Variants in DDX60L observed in about 807,000 individuals in gnomAD.
DDX60L encodes probable ATP-dependent RNA helicase DDX60-like.
Under a neutral mutation model 211.6 loss-of-function variants are expected in DDX60L, and 191 were observed. The observed-to-expected ratio is 0.90, with a 90% CI of 0.80 to 1.02. The LOEUF (loss-of-function observed/expected upper bound fraction) is 1.02. Ranked by LOEUF, DDX60L falls within the 50% of genes least tolerant of loss-of-function variation. The pLI is 0.00. For synonymous variants in DDX60L, 706 were observed against 694.1 expected (o/e 1.02, Z -0.27); for missense variants, 2,007 against 1,984.1 (o/e 1.01, Z -0.22).
At chr4:168,382,212 T>C (rs1743089463) in intron 30 of DDX60L, among the ~76,000 whole-genome samples, 1 of 152,242 alleles carries the variant, frequency 6.6e-6, no homozygotes, top group Admixed American at 6.5e-5. Flanking sequence ...ATTGTTCTGA[T>C]TGAAAACCTC....
chr4:168,461,351 CTTA>C (rs1331731002), intron 5 of DDX60L, among the ~76,000 whole-genome samples: 6 of 152,162 alleles, frequency 3.9e-5, no homozygotes, highest in Admixed American at 3.3e-4. Flanking sequence ...AAATATATTT[CTTA>C]TTATACTACA....
Position 168,358,150 on chromosome 4 carries a change from T to C in DDX60L, c.5118A>G (p.Glu1706=), listed in dbSNP as rs773667286. 10 of 1,608,774 alleles carry C rather than the reference T, an allele frequency of 6.2e-6. No individual in the cohort carries two copies. The highest frequency in any genetic ancestry group is 8.5e-6 in the Non-Finnish European group (10 of 1,177,316). The change falls in exon 38 of 38, where the codon GAA becomes GAG. Residue 1706 remains glutamate, a synonymous_variant. Transcript: ENST00000682922. ...MQIQMSQNHL[E] ...GACTTGAAAGTTTTCCATGGTGTTA[T>C]TCTAAATGATTTTGACTCATTTGAA...
intron 9 of DDX60L, among the ~76,000 whole-genome samples, chr4:168,442,690 A>G (rs1202962802): frequency 1.3e-5 from 2 of 151,552 alleles, no homozygotes; most frequent in East Asian, 3.9e-4. Context: ...GAGAACGGGC[A>G]GACTGCCTCC....
At chr4:168,374,303 C>G (rs924471101) in intron 34 of DDX60L, among the ~76,000 whole-genome samples, 1 of 152,078 alleles carries the variant, frequency 6.6e-6, no homozygotes, top group African/African-American at 2.4e-5. Flanking sequence ...CATGCTGTGT[C>G]CTACATCAAC....
intron 8 of DDX60L, among the ~76,000 whole-genome samples, chr4:168,450,402 C>T (rs1161000039): frequency 6.6e-6 from 1 of 151,742 alleles, no homozygotes; most frequent in Non-Finnish European, 1.5e-5. Flanking sequence ...ACCAAGTTGT[C>T]CTTAAAAACT....
intron 22 of DDX60L, among the ~76,000 whole-genome samples, chr4:168,409,908 A>G (rs73863200): frequency 0.014 from 2,169 of 152,214 alleles, 57 homozygotes; most frequent in African/African-American, 0.047. Context: ...GGGAATAATT[A>G]TAGTACATTT....
intron 26 of DDX60L, among the ~76,000 whole-genome samples, chr4:168,397,889 C>T (rs1362283002): frequency 6.6e-6 from 1 of 152,170 alleles, no homozygotes; most frequent in Non-Finnish European, 1.5e-5. Flanking sequence ...CAGCTGTAGC[C>T]ACCCAAGCTG....
In DDX60L at chr4:168,478,575, C is replaced by G. The variant is rs139804538; in HGVS notation, c.-111+1802G>C. The stretch of plus-strand genomic sequence containing the variant: ...CCATACTTACAAAGCAGAAAATGAG[C>G]CTGCAGCAGGGAAAACCACAGAGAT... On this transcript the variant is annotated intron_variant, in intron 1 of 37. Transcript: ENST00000682922. Among the ~76,000 whole-genome samples the G allele has an allele frequency of 4.5e-3, 678 of 152,196 alleles. 8 individuals are homozygous for G. The highest frequency in any genetic ancestry group is 0.015 in the African/African-American group (612 of 41,502).
At chr4:168,403,957 G>T in intron 25 of DDX60L, 25 bp downstream of exon 25, 1 of 1,373,848 alleles carries the variant, frequency 7.3e-7, no homozygotes, top group Non-Finnish European at 9.7e-7. Flanking sequence ...TATAAACAAA[G>T]ATAAATTAAG....
chr4:168,421,807 G>C lies in DDX60L; in HGVS notation c.2347C>G (p.Leu783Val), dbSNP rs377390386. ...ACCACCCCGACATCGCTCTCCCTCA[G>C]CACTTTCTCCATGCAGTAGTAGGAA... ...YASYYCMEKV[L>V]RESDVGVVVY... The change falls in exon 17 of 38, where the codon CTG (leucine) becomes GTG (valine). Residue 783 changes from leucine (L) to valine (V), a missense_variant. Leu to Val is a conservative substitution (Grantham distance 32, BLOSUM62 1). Transcript: ENST00000682922. The C allele has an allele frequency of 7.4e-6, 12 of 1,614,198 alleles. No individual in the cohort carries two copies. Among genetic ancestry groups the C allele is most frequent in the Non-Finnish European group, 1.0e-5 (12 of 1,180,038 alleles).
At chr4:168,410,737 C>T (rs777758708) in intron 22 of DDX60L, among the ~76,000 whole-genome samples, 6 of 152,068 alleles carry the variant, frequency 3.9e-5, no homozygotes, top group Non-Finnish European at 7.4e-5. Context: ...GTGAGATCTC[C>T]GAAAACTTCA....
intron 5 of DDX60L, among the ~76,000 whole-genome samples, chr4:168,461,310 G>T (rs1007073625): frequency 6.6e-6 from 1 of 152,104 alleles, no homozygotes. Context: ...GGGTTTTAGG[G>T]GCTCTGTGAC....
In DDX60L at chr4:168,409,928, ATGT is replaced by A. The variant is rs545356465; in HGVS notation, c.2980-3225_2980-3223del. On this transcript the variant is annotated intron_variant, in intron 22 of 37. Transcript: ENST00000682922. ...TAATTATAGTACATTTATTATAAAG[ATGT>A]TGTGAAGGTTAAAAGAGAAATATAT... 3.3e-5 allele frequency among the ~76,000 whole-genome samples: 5 copies of A among 152,290 alleles called. No homozygotes were observed. In the South Asian group the frequency reaches 1.0e-3, roughly 32 times the overall value.
At chr4:168,358,368 C>T in intron 37 of DDX60L, 92 bp from the exon 38 acceptor site, 1 of 892,676 alleles carries the variant, frequency 1.1e-6, no homozygotes, top group Non-Finnish European at 1.6e-6. Context: ...TAATTCCCCC[C>T]AAAATCTATC....
intron 36 of DDX60L, among the ~76,000 whole-genome samples, chr4:168,366,420 A>C (rs139046363): frequency 0.013 from 1,936 of 152,174 alleles, 13 homozygotes; most frequent in Non-Finnish European, 0.019. Flanking sequence ...ATAATAAATA[A>C]ACAAGAAGGT....
intron 22 of DDX60L, among the ~76,000 whole-genome samples, chr4:168,407,776 C>T (rs1385464002): frequency 2.6e-5 from 4 of 152,300 alleles, no homozygotes; most frequent in African/African-American, 9.6e-5. Flanking sequence ...ATGGACTGTA[C>T]CGCACAGCTG....
intron 24 of DDX60L, among the ~76,000 whole-genome samples, chr4:168,404,372 G>T (rs2149790482): frequency 6.6e-6 from 1 of 152,054 alleles, no homozygotes; most frequent in South Asian, 2.1e-4. Context: ...AGTAGGATAA[G>T]GATGTTCATA....
At position 168,461,739 on chromosome 4, in the gene DDX60L, G is replaced by A. The variant is rs1275767800; in HGVS notation, c.566C>T (p.Thr189Ile). The A allele has an allele frequency of 6.3e-7, 1 of 1,596,706 alleles. No homozygotes were observed. The highest frequency in any genetic ancestry group is 8.5e-7 in the Non-Finnish European group (1 of 1,169,688). ...ESDTLRFYAY[T>I]MESTDRNQTF... The stretch of plus-strand genomic sequence containing the variant: ...TTGGTTTCTGTCTGTGCTTTCCATA[G>A]TATATGCATAAAATCTGAGAGTATC... The change falls in exon 5 of 38, where the codon ACT (threonine) becomes ATT (isoleucine). Residue 189 changes from threonine to isoleucine, a missense_variant. By Grantham distance (89) the Thr-to-Ile change is moderately conservative. Coordinates refer to ENST00000682922, the MANE Select transcript of DDX60L (RefSeq NM_001012967.3).
intron 26 of DDX60L, among the ~76,000 whole-genome samples, chr4:168,400,162 C>T (rs1411601696): frequency 6.6e-6 from 1 of 152,170 alleles, no homozygotes; most frequent in Non-Finnish European, 1.5e-5. Context: ...TAATGGCCTA[C>T]AGCTCTATCA....
Sources: gnomAD v4.1 joint callset for allele counts (sites outside exome capture counted in the v4.1 genomes callset) on GRCh38, gnomAD v4.1.1 for gene constraint, MANE v1.5 for transcripts, NCBI Gene and HGNC (gene_info 2026-07-23, HGNC 2026-07-21) for gene names.